Variants in DBX2 observed in about 807,000 individuals in gnomAD.
DBX2 encodes homeobox protein DBX2.
In DBX2, 16 loss-of-function variants were observed where a neutral mutation model predicts 17.7. The observed-to-expected ratio is 0.90, with a 90% CI of 0.61 to 1.37. The LOEUF (loss-of-function observed/expected upper bound fraction) is 1.37, where lower values mean the gene tolerates loss of function less well. Among genes scored for constraint, DBX2 ranks in the 40% most tolerant of loss-of-function variants. The probability of loss-of-function intolerance (pLI) is 0.00; values close to 1 mark genes in which losing one functional copy is unlikely to be tolerated. For missense variants in DBX2, 538 were observed against 433.8 expected (o/e 1.24, Z -2.13); for synonymous variants, 255 against 183.8 (o/e 1.39, Z -3.13).
At chr12:45,046,698 G>A (rs909680955) in intron 1 of DBX2, among the ~76,000 whole-genome samples, 3 of 152,128 alleles carry the variant, frequency 2.0e-5, no homozygotes, top group South Asian at 2.1e-4. Flanking sequence ...CCAGACATAA[G>A]TGTGAATAGT....
intron 1 of DBX2, among the ~76,000 whole-genome samples, chr12:45,041,883 T>G (rs1156445388): frequency 6.6e-6 from 1 of 152,212 alleles, no homozygotes; most frequent in African/African-American, 2.4e-5. Flanking sequence ...TGAAATGAAA[T>G]GTAAATTTCT....
chr12:45,022,404 C>T (rs953551130), intron 3 of DBX2, among the ~76,000 whole-genome samples: 21 of 145,034 alleles, frequency 1.4e-4, no homozygotes, highest in Non-Finnish European at 7.4e-5. Context: ...CCTGGGTTCA[C>T]GCCATTCTCC....
At chr12:45,019,540 A>C (rs1265589049) in intron 3 of DBX2, among the ~76,000 whole-genome samples, 3 of 152,098 alleles carry the variant, frequency 2.0e-5, no homozygotes, top group African/African-American at 7.2e-5. Flanking sequence ...ACAATATTGT[A>C]TTTGGAAAGG....
At chr12:45,050,504 G>C (rs896720611) in intron 1 of DBX2, 21 bp downstream of exon 1, 3 of 1,546,686 alleles carry the variant, frequency 1.9e-6, no homozygotes, top group Admixed American at 3.9e-5. Context: ...CGGCTGGGGA[G>C]GGAGGGGAGA....
At chr12:45,041,469 T>G (rs1248372926) in intron 1 of DBX2, among the ~76,000 whole-genome samples, 1 of 152,224 alleles carries the variant, frequency 6.6e-6, no homozygotes, top group African/African-American at 2.4e-5. Context: ...GTTTGATTTA[T>G]TTTAATATTT....
chr12:45,020,682 T>TATATAC (rs1946347170), intron 3 of DBX2, among the ~76,000 whole-genome samples: 1 of 149,110 alleles, frequency 6.7e-6, no homozygotes, highest in African/African-American at 2.5e-5. Flanking sequence ...TATGTATATA[T>TATATAC]ATATATATAC....
intron 1 of DBX2, among the ~76,000 whole-genome samples, chr12:45,045,692 C>A (rs564211220): frequency 6.6e-6 from 1 of 152,160 alleles, no homozygotes; most frequent in Non-Finnish European, 1.5e-5. Flanking sequence ...ATAAAATCAC[C>A]CTTGGCAATC....
intron 2 of DBX2, among the ~76,000 whole-genome samples, chr12:45,033,218 T>G (rs1946419193): frequency 6.6e-6 from 1 of 152,236 alleles, no homozygotes; most frequent in South Asian, 2.1e-4. Flanking sequence ...AAAATTATAC[T>G]TCACTCGCGT....
intron 2 of DBX2, among the ~76,000 whole-genome samples, chr12:45,026,239 T>C (rs1240153955): frequency 3.9e-5 from 6 of 152,108 alleles, no homozygotes; most frequent in African/African-American, 1.4e-4. Flanking sequence ...TTTGAAGATA[T>C]TTGGACCTCT....
chr12:45,020,415 T>A (rs372826316), intron 3 of DBX2, among the ~76,000 whole-genome samples: 2 of 152,110 alleles, frequency 1.3e-5, no homozygotes, highest in Non-Finnish European at 2.9e-5. Context: ...TATATGGATA[T>A]ACCACATTTT....
intron 2 of DBX2, among the ~76,000 whole-genome samples, chr12:45,035,574 C>T (rs113636526): frequency 6.6e-6 from 1 of 152,196 alleles, no homozygotes. Context: ...GATTTATCTC[C>T]TCTCACGATC....
At chr12:45,016,784 C>A (rs1359695599) in intron 3 of DBX2, among the ~76,000 whole-genome samples, 166 bp from the exon 4 acceptor site, 1 of 151,750 alleles carries the variant, frequency 6.6e-6, no homozygotes, top group Non-Finnish European at 1.5e-5. Context: ...CAAAAATATC[C>A]CATTGTATTT....
chr12:45,020,086 G>A lies in DBX2; in HGVS notation c.688-3468C>T, dbSNP rs187837859. Among the ~76,000 whole-genome samples the A allele has an allele frequency of 1.8e-3, 281 of 152,182 alleles. 3 individuals are homozygous for A. The highest frequency in any genetic ancestry group is 6.5e-3 in the African/African-American group (268 of 41,520). ...ACCATACAATTCACCCATTTAAAAT[G>A]TACAATGCAATGGTTTTCATATATT... On this transcript the variant is annotated intron_variant, in intron 3 of 3. Coordinates refer to ENST00000332700, the MANE Select transcript of DBX2 (RefSeq NM_001004329.3).
chr12:45,027,630 G>C (rs1405402319), intron 2 of DBX2, among the ~76,000 whole-genome samples: 1 of 152,134 alleles, frequency 6.6e-6, no homozygotes, highest in Non-Finnish European at 1.5e-5. Flanking sequence ...TGATATTTAA[G>C]ATATATATTA....
At chr12:45,023,326 T>G (rs948282325) in intron 3 of DBX2, among the ~76,000 whole-genome samples, 2 of 152,232 alleles carry the variant, frequency 1.3e-5, no homozygotes, top group African/African-American at 2.4e-5. Context: ...TTCCTACTTT[T>G]TGAAGAATTA....
chr12:45,037,344 G>T (rs1946446351), intron 1 of DBX2, among the ~76,000 whole-genome samples: 7 of 152,224 alleles, frequency 4.6e-5, no homozygotes. Context: ...TCAACAGAGT[G>T]CCTAGCACAT....
At chr12:45,050,414 C>T in intron 1 of DBX2, 111 bp downstream of exon 1, 1 of 1,420,530 alleles carries the variant, frequency 7.0e-7, no homozygotes, top group Non-Finnish European at 9.3e-7. Context: ...CAGGAAGTTC[C>T]CAAACCGGCT....
chr12:45,034,644 A>C (rs532737094), intron 2 of DBX2, among the ~76,000 whole-genome samples: 18 of 152,220 alleles, frequency 1.2e-4, no homozygotes, highest in Non-Finnish European at 2.1e-4. Flanking sequence ...CCCTGTATAC[A>C]CTCAGCTCAT....
chr12:45,038,001 A>G (rs1946449503), intron 1 of DBX2, among the ~76,000 whole-genome samples: 1 of 152,066 alleles, frequency 6.6e-6, no homozygotes, highest in East Asian at 1.9e-4. Flanking sequence ...TTGAAGTTTC[A>G]TTGTTATCAT....
Sources: allele counts gnomAD v4.1 joint callset (sites outside exome capture counted in the v4.1 genomes callset), GRCh38; gene constraint gnomAD v4.1.1; transcripts MANE v1.5; gene names NCBI Gene and HGNC (gene_info 2026-07-23, HGNC 2026-07-21).